ANO2: variants seen among roughly 807,000 people sequenced by gnomAD.
ANO2 encodes anoctamin 2, also known as anoctamin-2.
ANO2 carries 101 observed loss-of-function variants against 124.2 expected under a neutral mutation model. That is an observed-to-expected ratio of 0.81 (90% CI 0.69 to 0.96). ANO2 has a LOEUF of 0.96. Among genes scored for constraint, ANO2 ranks in the 40% least tolerant of loss-of-function variants. The pLI, the probability that ANO2 is intolerant of heterozygous loss-of-function variation, is 0.00. For missense variants in ANO2, 1,293 were observed against 1,274.5 expected (o/e 1.01, Z -0.22); for synonymous variants, 486 against 482.5 (o/e 1.01, Z -0.09).
chr12:5,708,079 C>T (rs1018299313), intron 14 of ANO2, among the ~76,000 whole-genome samples: 13 of 152,202 alleles, frequency 8.5e-5, no homozygotes, highest in African/African-American at 2.2e-4. Context: ...AGTCTTCCCA[C>T]GCCTTAGTAA....
At chr12:5,841,564 G>A (rs970424354) in intron 4 of ANO2, among the ~76,000 whole-genome samples, 1 of 152,204 alleles carries the variant, frequency 6.6e-6, no homozygotes, top group African/African-American at 2.4e-5. Context: ...CGCCATGCCT[G>A]CTGCCTCCCT....
intron 2 of ANO2, 111 bp downstream of exon 2, chr12:5,922,509 C>T: frequency 1.6e-6 from 2 of 1,243,812 alleles, no homozygotes; most frequent in Non-Finnish European, 2.1e-6. Flanking sequence ...AGGTCTCTCT[C>T]TTTCACGCAC....
chr12:5,731,055 C>T (rs1035966344), intron 14 of ANO2, among the ~76,000 whole-genome samples: 2 of 152,168 alleles, frequency 1.3e-5, no homozygotes, highest in African/African-American at 4.8e-5. Context: ...AATTCCGGTT[C>T]CTTGGCATTC....
intron 1 of ANO2, among the ~76,000 whole-genome samples, chr12:5,923,280 GCACA>G (rs1198399219): frequency 2.3e-5 from 1 of 44,368 alleles, no homozygotes; most frequent in Middle Eastern, 0.015. Context: ...ACACACACAC[GCACA>G]CACACAGCGT....
chr12:5,774,311 A>G (rs1952167041), intron 10 of ANO2, among the ~76,000 whole-genome samples: 1 of 152,050 alleles, frequency 6.6e-6, no homozygotes, highest in African/African-American at 2.4e-5. Context: ...AAAAAAATCC[A>G]TAAAAATTAG....
chr12:5,789,990 T>C (rs1211181451), intron 10 of ANO2, among the ~76,000 whole-genome samples: 1 of 152,168 alleles, frequency 6.6e-6, no homozygotes, highest in Non-Finnish European at 1.5e-5. Flanking sequence ...GGTCAAACAG[T>C]GGCTCCCGGG....
intron 1 of ANO2, among the ~76,000 whole-genome samples, chr12:5,928,491 C>T (rs879576378): frequency 0.12 from 15,926 of 128,690 alleles, 5,555 homozygotes; most frequent in East Asian, 0.36. Context: ...TTTCCTTCCT[C>T]ACTGGTCTAC....
chr12:5,814,266 CT>C (rs1464001967), intron 7 of ANO2, among the ~76,000 whole-genome samples: 1 of 152,236 alleles, frequency 6.6e-6, no homozygotes, highest in Non-Finnish European at 1.5e-5. Flanking sequence ...CTGCCAATCC[CT>C]TTGTAAATGG....
chr12:5,731,773 T>G (rs1419242594), intron 14 of ANO2, among the ~76,000 whole-genome samples: 2 of 152,118 alleles, frequency 1.3e-5, no homozygotes, highest in Non-Finnish European at 2.9e-5. Flanking sequence ...CTGAGAGACA[T>G]GACTCAGAGG....
chr12:5,573,810 A>G (rs1046116844), intron 23 of ANO2, among the ~76,000 whole-genome samples: 2 of 152,170 alleles, frequency 1.3e-5, no homozygotes, highest in African/African-American at 4.8e-5. Context: ...TTCTTGGTTG[A>G]CGACAGTGGA....
chr12:5,639,905 T>C (rs1471464205), intron 15 of ANO2, among the ~76,000 whole-genome samples: 1 of 152,202 alleles, frequency 6.6e-6, no homozygotes, highest in East Asian at 1.9e-4. Flanking sequence ...GGAGGATTTC[T>C]GATGGTGGAC....
At chr12:5,941,417 T>C (rs369892648) in intron 1 of ANO2, among the ~76,000 whole-genome samples, 159 of 151,982 alleles carry the variant, frequency 1.0e-3, no homozygotes, top group African/African-American at 3.7e-3. Flanking sequence ...TAATCAAATC[T>C]AGAGAGCAGA....
chr12:5,812,113 C>A (rs1247871526), intron 7 of ANO2, among the ~76,000 whole-genome samples: 14 of 118,620 alleles, frequency 1.2e-4, no homozygotes, highest in African/African-American at 4.7e-4. Flanking sequence ...GAGGCGAGGC[C>A]AGGGAAGGGC....
chr12:5,781,134 G>T (rs925163229), intron 10 of ANO2, among the ~76,000 whole-genome samples: 2 of 152,202 alleles, frequency 1.3e-5, no homozygotes, highest in Admixed American at 6.5e-5. Flanking sequence ...GAGCATTGCT[G>T]CCCTCATATC....
chr12:5,899,243 G>A (rs1356560935), intron 3 of ANO2, among the ~76,000 whole-genome samples: 2 of 152,300 alleles, frequency 1.3e-5, no homozygotes, highest in South Asian at 4.2e-4. Context: ...CAGAGGACTA[G>A]AGACTTCATC....
chr12:5,794,751 G>A (rs1053889874), intron 10 of ANO2, among the ~76,000 whole-genome samples: 47 of 152,150 alleles, frequency 3.1e-4, no homozygotes, highest in African/African-American at 1.1e-3. Flanking sequence ...TCGTTGTTGT[G>A]CCTCCCCATA....
At chr12:5,859,598 C>G (rs1955207459) in intron 3 of ANO2, among the ~76,000 whole-genome samples, 1 of 151,878 alleles carries the variant, frequency 6.6e-6, no homozygotes, top group Non-Finnish European at 1.5e-5. Context: ...TGCAGTGGCA[C>G]CATCTTGGCT....
intron 14 of ANO2, among the ~76,000 whole-genome samples, chr12:5,680,922 A>G (rs1591888983): frequency 6.6e-6 from 1 of 152,212 alleles, no homozygotes; most frequent in Non-Finnish European, 1.5e-5. Flanking sequence ...TTTTATAAGA[A>G]CCAGCCTCTG....
chr12:5,637,779 CT>C (rs1565504943), intron 15 of ANO2, among the ~76,000 whole-genome samples: 1 of 152,120 alleles, frequency 6.6e-6, no homozygotes, highest in Non-Finnish European at 1.5e-5. Context: ...GCAGGTTTAC[CT>C]TCTCTGGTCT....
Sources: allele counts gnomAD v4.1 joint callset (sites outside exome capture counted in the v4.1 genomes callset), GRCh38; gene constraint gnomAD v4.1.1; transcripts MANE v1.5; gene names NCBI Gene and HGNC (gene_info 2026-07-23, HGNC 2026-07-21).